The following GPAM variants were observed in gnomAD, a reference collection of about 807,000 sequenced individuals.
GPAM encodes glycerol-3-phosphate acyltransferase, mitochondrial.
In GPAM, 56 loss-of-function variants were observed where a neutral mutation model predicts 105.0. The observed-to-expected ratio is 0.53, with a 90% CI of 0.43 to 0.67. The LOEUF (loss-of-function observed/expected upper bound fraction) is 0.67. Among genes scored for constraint, GPAM ranks in the 30% least tolerant of loss-of-function variants. The probability of loss-of-function intolerance (pLI) is 0.00; values close to 1 mark genes in which losing one functional copy is unlikely to be tolerated. For synonymous variants in GPAM, 368 were observed against 354.4 expected (o/e 1.04, Z -0.43); for missense variants, 855 against 989.8 (o/e 0.86, Z 1.83).
intron 8 of GPAM, among the ~76,000 whole-genome samples, chr10:112,172,519 A>G (rs1847330696): frequency 6.6e-6 from 1 of 152,206 alleles, no homozygotes; most frequent in East Asian, 1.9e-4. Context: ...CAACAGAAAT[A>G]AGTTGGGGGA....
rs74425526 is a variant in GPAM at position 112,178,988 on chromosome 10, G to A, written c.226-931C>T. On this transcript the variant is annotated intron_variant, in intron 4 of 21. Transcript: ENST00000348367. ...ATAGTCTATAGCTTTATCAATATGG[G>A]CAAAAAGGTAACTGTTCCACACTTA... 7.3e-3 allele frequency among the ~76,000 whole-genome samples: 1,116 copies of A among 152,206 alleles called. 18 individuals are homozygous for A. Among genetic ancestry groups the A allele is most frequent in the African/African-American group, 0.026 (1,075 of 41,508 alleles).
In GPAM at chr10:112,151,872, G is replaced by C; in HGVS notation, c.*1678C>G. On this transcript the variant is annotated 3_prime_UTR_variant, in exon 22 of 22. Coordinates refer to ENST00000348367, the MANE Select transcript of GPAM (RefSeq NM_001244949.2). ...TCAGTAAAATGGAATGCTAAAACAT[G>C]ATATCTCATTCAACATCAGAGCTAC... 1 of 983,810 alleles carries C rather than the reference G, an allele frequency of 1.0e-6. No homozygotes were observed. The highest frequency in any genetic ancestry group is 1.2e-6 in the Non-Finnish European group (1 of 828,510). The allele number at this position is 983,810 out of a possible 1,614,324, so 60.9% of individuals were successfully genotyped here.
Position 112,203,034 on chromosome 10 carries a change from T to C in GPAM, n.210+12134A>G, listed in dbSNP as rs971144320. 3.8e-4 allele frequency among the ~76,000 whole-genome samples: 58 copies of C among 152,144 alleles called. 1 individual carries two copies. Among genetic ancestry groups the C allele is most frequent in the Admixed American group, 3.7e-3 (56 of 15,274 alleles). On this transcript the variant is annotated intron_variant and non_coding_transcript_variant, in intron 1 of 3. Coordinates refer to the GPAM transcript ENST00000480130. Reference sequence around the variant, plus strand: ...ACAAAGGAGGTAGTTTCAGTGGTGCTTGACGGTGTGTAAGCAATGGGTTAG... The same window carrying C: ...ACAAAGGAGGTAGTTTCAGTGGTGCCTGACGGTGTGTAAGCAATGGGTTAG...
chr10:112,203,899 A>G (rs1266926857), intron 1 of GPAM, among the ~76,000 whole-genome samples: 1 of 152,190 alleles, frequency 6.6e-6, no homozygotes, highest in Non-Finnish European at 1.5e-5. Flanking sequence ...CTCTGTCTTC[A>G]TGTTCCTTGG....
intron 1 of GPAM, among the ~76,000 whole-genome samples, chr10:112,213,688 TG>T (rs1847937866): frequency 6.6e-6 from 1 of 152,104 alleles, no homozygotes. Context: ...TCTCCTGACT[TG>T]GTCAGACCCA....
chr10:112,204,004 C>T (rs1322591814), intron 1 of GPAM, among the ~76,000 whole-genome samples: 6 of 152,166 alleles, frequency 3.9e-5, no homozygotes, highest in African/African-American at 1.4e-4. Flanking sequence ...TCTCTCTATG[C>T]CAGGCTACCA....
chr10:112,194,363 T>C (rs955255618), intron 1 of GPAM, among the ~76,000 whole-genome samples: 18 of 152,230 alleles, frequency 1.2e-4, no homozygotes, highest in African/African-American at 4.3e-4. Flanking sequence ...ACTTAGGTGC[T>C]TCTAACAAGA....
Position 112,152,743 on chromosome 10 carries a change from G to C in GPAM, c.*807C>G, listed in dbSNP as rs1846942703. 1 of 953,114 alleles carries C rather than the reference G, an allele frequency of 1.0e-6. No homozygotes were observed. The highest frequency in any genetic ancestry group is 1.8e-5 in the African/African-American group (1 of 56,580). 59.0% of individuals were successfully genotyped at this position (953,114 alleles called of 1,614,324 possible). A position where few individuals can be genotyped will look rare whatever the true frequency, so the allele number is the denominator to read the frequency against. The stretch of plus-strand genomic sequence containing the variant: ...CGAGGTACAGACATAAAACAGGAAG[G>C]GTTCTAAATATATTTGCTGGTCATT... On this transcript the variant is annotated 3_prime_UTR_variant, in exon 22 of 22. Transcript: ENST00000348367.
chr10:112,179,465 C>A (rs1847467254), intron 4 of GPAM, among the ~76,000 whole-genome samples: 1 of 152,182 alleles, frequency 6.6e-6, no homozygotes, highest in South Asian at 2.1e-4. Flanking sequence ...TTCTGTGATT[C>A]TTGAATTCTA....
the GPAM span, among the ~76,000 whole-genome samples, chr10:112,225,424 C>T: frequency 2.0e-5 from 3 of 152,148 alleles, no homozygotes; most frequent in East Asian, 1.9e-4. Flanking sequence ...GTGTGACCAC[C>T]GTGTCTGGGT....
the GPAM span, among the ~76,000 whole-genome samples, chr10:112,225,554 G>C: frequency 6.6e-6 from 1 of 152,150 alleles, no homozygotes; most frequent in Non-Finnish European, 1.5e-5. Context: ...AGAATATTCT[G>C]GGGACTCATG....
At chr10:112,192,776 G>A (rs965619509) in intron 1 of GPAM, among the ~76,000 whole-genome samples, 2 of 152,212 alleles carry the variant, frequency 1.3e-5, no homozygotes, top group Admixed American at 6.5e-5. Context: ...TGTCATGGAG[G>A]TATGTGAATA....
intron 1 of GPAM, among the ~76,000 whole-genome samples, chr10:112,204,529 T>A (rs1340501582): frequency 6.6e-6 from 1 of 151,882 alleles, no homozygotes; most frequent in Non-Finnish European, 1.5e-5. Context: ...TTATTGCATG[T>A]CTACTATGAT....
chr10:112,212,914 T>C (rs1187419065), intron 1 of GPAM, among the ~76,000 whole-genome samples: 1 of 152,184 alleles, frequency 6.6e-6, no homozygotes, highest in Admixed American at 6.5e-5. Context: ...GATTTGGAGC[T>C]CCTCTTCATG....
Position 112,173,035 on chromosome 10 carries a change from T to A in GPAM, c.592A>T (p.Asn198Tyr). 1 of 1,609,814 alleles carries A rather than the reference T, an allele frequency of 6.2e-7. No homozygotes were observed. Among genetic ancestry groups the A allele is most frequent in the Non-Finnish European group, 8.5e-7 (1 of 1,176,156 alleles). ...LTGWVLLKLFNSFFWNIQIHK... is the reference protein window; with the variant it reads ...LTGWVLLKLFYSFFWNIQIHK... ...ATTTGAATGTTCCAAAAGAAGCTGT[T>A]GAACAGTTTTAGCAGCACCCACCCA... The change falls in exon 8 of 22, where the codon AAC (asparagine) becomes TAC (tyrosine). Residue 198 changes from asparagine (N) to tyrosine (Y), a missense_variant. Coordinates refer to ENST00000348367, the MANE Select transcript of GPAM (RefSeq NM_001244949.2).
At chr10:112,203,545 A>T (rs1332802623) in intron 1 of GPAM, among the ~76,000 whole-genome samples, 2 of 152,302 alleles carry the variant, frequency 1.3e-5, no homozygotes, top group East Asian at 3.9e-4. Context: ...CAGTAACAGA[A>T]TGAGTCAACC....
At chr10:112,217,496 T>C (rs191325520), upstream of GPAM, among the ~76,000 whole-genome samples, 6 of 152,180 alleles carry the variant, frequency 3.9e-5, no homozygotes, top group East Asian at 9.6e-4. Flanking sequence ...ATGTACAAGT[T>C]TGCATACCCT....
Position 112,153,335 on chromosome 10 carries a change from A to G in GPAM, c.*215T>C. The G allele has an allele frequency of 6.9e-7, 1 of 1,450,204 alleles. No homozygotes were observed. The highest frequency in any genetic ancestry group is 9.0e-7 in the Non-Finnish European group (1 of 1,105,194). The allele number at this position is 1,450,204 out of a possible 1,614,324, so 89.8% of individuals were successfully genotyped here. On this transcript the variant is annotated 3_prime_UTR_variant, in exon 22 of 22. Transcript: ENST00000348367. ...GATTATGAGTTGCGAATAGAGGCTGAGGTCCCCCCAAGTGTTATCTGCAGG... is the reference window on the plus strand; with the variant it reads ...GATTATGAGTTGCGAATAGAGGCTGGGGTCCCCCCAAGTGTTATCTGCAGG...
chr10:112,200,389 G>T (rs1033010203), intron 1 of GPAM, among the ~76,000 whole-genome samples: 11 of 151,774 alleles, frequency 7.2e-5, no homozygotes, highest in Non-Finnish European at 1.5e-4. Context: ...CCCATCTCAA[G>T]CTATCATCCC....
Sources: allele counts gnomAD v4.1 joint callset (sites outside exome capture counted in the v4.1 genomes callset), GRCh38; gene constraint gnomAD v4.1.1; transcripts MANE v1.5; gene names NCBI Gene and HGNC (gene_info 2026-07-23, HGNC 2026-07-21).